The following GCNT1 variants were observed in gnomAD, a reference collection of about 807,000 sequenced individuals.
GCNT1 encodes the protein glucosaminyl (N-acetyl) transferase 1.
A neutral mutation model predicts 26.2 loss-of-function variants in GCNT1; 16 were observed. The observed-to-expected ratio is 0.61, with a 90% CI of 0.41 to 0.93. The LOEUF is 0.93. Among genes scored for constraint, GCNT1 ranks in the 40% least tolerant of loss-of-function variants. The pLI, the probability that GCNT1 is intolerant of heterozygous loss-of-function variation, is 0.00. For synonymous variants in GCNT1, 183 were observed against 190.8 expected (o/e 0.96, Z 0.34); for missense variants, 477 against 526.7 (o/e 0.91, Z 0.92).
intron 2 of GCNT1, among the ~76,000 whole-genome samples, chr9:76,488,889 T>C (rs1824653550): frequency 6.6e-6 from 1 of 152,248 alleles, no homozygotes; most frequent in Non-Finnish European, 1.5e-5. Context: ...CTGTTTGTTC[T>C]AGTCATCTAT....
chr9:76,471,805 G>A (rs974421315), intron 2 of GCNT1, among the ~76,000 whole-genome samples: 1 of 152,108 alleles, frequency 6.6e-6, no homozygotes, highest in African/African-American at 2.4e-5. Flanking sequence ...AGGTAGATTG[G>A]TCATGCTCAG....
chr9:76,496,727 A>C (rs1400779621), intron 2 of GCNT1, among the ~76,000 whole-genome samples: 1 of 152,180 alleles, frequency 6.6e-6, no homozygotes, highest in Non-Finnish European at 1.5e-5. Context: ...CTTAGAATTT[A>C]GTATTTTTGT....
chr9:76,410,197 C>T, the GCNT1 span, among the ~76,000 whole-genome samples: 14 of 151,982 alleles, frequency 9.2e-5, no homozygotes, highest in African/African-American at 2.9e-4. Context: ...TTTGGAAGGC[C>T]GAGGTGGGTG....
the GCNT1 span, among the ~76,000 whole-genome samples, chr9:76,404,380 T>C: frequency 6.6e-6 from 1 of 152,254 alleles, no homozygotes; most frequent in Non-Finnish European, 1.5e-5. Context: ...ATTTAGAAGA[T>C]GAAAAATAAA....
intron 1 of GCNT1, among the ~76,000 whole-genome samples, chr9:76,453,977 G>T (rs58651349): frequency 0.26 from 39,505 of 152,118 alleles, 5,557 homozygotes; most frequent in Non-Finnish European, 0.32. Flanking sequence ...GTCGCAATAG[G>T]GGAGGGACGG....
chr9:76,464,225 T>G (rs1167185610), intron 2 of GCNT1, among the ~76,000 whole-genome samples: 1 of 152,082 alleles, frequency 6.6e-6, no homozygotes, highest in Non-Finnish European at 1.5e-5. Context: ...TTTTGTTTGT[T>G]TGTTTGTTGC....
intron 2 of GCNT1, among the ~76,000 whole-genome samples, chr9:76,461,562 G>T (rs1487753133): frequency 6.7e-6 from 1 of 149,314 alleles, no homozygotes; most frequent in Non-Finnish European, 1.5e-5. Flanking sequence ...CAGCCTGGGT[G>T]ACAGAGCGAG....
chr9:76,402,518 C>T, the GCNT1 span, among the ~76,000 whole-genome samples: 1 of 152,156 alleles, frequency 6.6e-6, no homozygotes, highest in African/African-American at 2.4e-5. Context: ...CTACGACCTA[C>T]TAAACCCAAA....
intron 1 of GCNT1, among the ~76,000 whole-genome samples, chr9:76,453,437 C>T (rs1823705043): frequency 6.6e-6 from 1 of 152,138 alleles, no homozygotes; most frequent in Admixed American, 6.5e-5. Context: ...CCCAAAGAGG[C>T]CTTTGAGGTT....
chr9:76,442,104 C>T (rs975260378), exon 1 of GCNT1: 3 of 152,190 alleles, frequency 2.0e-5, no homozygotes, highest in East Asian at 3.9e-4. Context: ...AAGCAGAGGT[C>T]ACAGTGACTT....
chr9:76,445,613 G>A (rs950450355), intron 1 of GCNT1, among the ~76,000 whole-genome samples: 5 of 150,510 alleles, frequency 3.3e-5, no homozygotes, highest in African/African-American at 5.0e-5. Context: ...GGCTGGTCTC[G>A]AACTCCCGAG....
chr9:76,461,887 TCAAAA>T (rs1220448132), intron 2 of GCNT1, among the ~76,000 whole-genome samples: 5 of 152,214 alleles, frequency 3.3e-5, no homozygotes, highest in Non-Finnish European at 5.9e-5. Context: ...AAGCTCCGTC[TCAAAA>T]CAAAAATCCC....
At chr9:76,426,336 T>C (rs546055241) in intron 1 of GCNT1, among the ~76,000 whole-genome samples, 1 of 152,204 alleles carries the variant, frequency 6.6e-6, no homozygotes, top group Admixed American at 6.5e-5. Flanking sequence ...GGGAGGCCAA[T>C]GTAGGAGGAC....
chr9:76,474,518 A>T (rs1176755725), intron 2 of GCNT1, among the ~76,000 whole-genome samples: 1 of 152,232 alleles, frequency 6.6e-6, no homozygotes, highest in Admixed American at 6.5e-5. Flanking sequence ...TGTGACAAAA[A>T]CAAATGATAT....
intron 1 of GCNT1, among the ~76,000 whole-genome samples, chr9:76,443,149 C>T (rs566970129): frequency 5.3e-5 from 8 of 151,974 alleles, no homozygotes; most frequent in Non-Finnish European, 1.2e-4. Flanking sequence ...ATCACTTGAG[C>T]TCAGGAGTTC....
chr9:76,439,602 A>C (rs992855856), upstream of GCNT1, among the ~76,000 whole-genome samples: 7 of 152,296 alleles, frequency 4.6e-5, no homozygotes, highest in East Asian at 1.9e-4. Flanking sequence ...GATGGAGGTA[A>C]ATCAGTTGTT....
chr9:76,478,366 G>C (rs748797037), intron 2 of GCNT1, among the ~76,000 whole-genome samples: 1 of 152,140 alleles, frequency 6.6e-6, no homozygotes, highest in South Asian at 2.1e-4. Flanking sequence ...GAGCTGTAAC[G>C]CTCACTGCGA....
At chr9:76,425,471 C>T (rs974374234) in intron 1 of GCNT1, among the ~76,000 whole-genome samples, 2 of 152,116 alleles carry the variant, frequency 1.3e-5, no homozygotes, top group Non-Finnish European at 2.9e-5. Flanking sequence ...GATCCACCCA[C>T]CTCGGCCTCC....
chr9:76,465,168 T>TA (rs1179954673), intron 2 of GCNT1, among the ~76,000 whole-genome samples: 1 of 151,664 alleles, frequency 6.6e-6, no homozygotes, highest in African/African-American at 2.4e-5. Context: ...TTTTTTTTTT[T>TA]ATTTTTTTTT....
Sources: allele counts gnomAD v4.1 joint callset (sites outside exome capture counted in the v4.1 genomes callset), GRCh38; gene constraint gnomAD v4.1.1; transcripts MANE v1.5; gene names NCBI Gene and HGNC (gene_info 2026-07-23, HGNC 2026-07-21).